The following MARK3 variants were observed in gnomAD, a reference collection of about 807,000 sequenced individuals.
MARK3 encodes microtubule affinity regulating kinase 3.
MARK3 carries 46 observed loss-of-function variants against 90.1 expected under a neutral mutation model. That is an observed-to-expected ratio of 0.51 (90% CI 0.40 to 0.65). The LOEUF (loss-of-function observed/expected upper bound fraction) is 0.65, where lower values mean the gene tolerates loss of function less well. Ranked by LOEUF, MARK3 falls within the 30% of genes least tolerant of loss-of-function variation. The probability of loss-of-function intolerance (pLI) is 0.00; values close to 1 mark genes in which losing one functional copy is unlikely to be tolerated. For synonymous variants in MARK3, 321 were observed against 332.6 expected, an observed-to-expected ratio of 0.97 and a Z score of 0.38; for missense variants, 818 against 947.2, an observed-to-expected ratio of 0.86 and a Z score of 1.79.
chr14:103,458,474 AAG>A (rs1397954517), intron 6 of MARK3, among the ~76,000 whole-genome samples: 4 of 146,942 alleles, frequency 2.7e-5, no homozygotes, highest in East Asian at 2.1e-4. Flanking sequence ...AAAAAAAAAA[AAG>A]AAGCAGCAGC....
intron 14 of MARK3, among the ~76,000 whole-genome samples, chr14:103,481,689 AACT>A (rs2093821428): frequency 6.6e-6 from 1 of 151,508 alleles, no homozygotes; most frequent in African/African-American, 2.4e-5. Flanking sequence ...TATGATTAAA[AACT>A]ACTAAGAACT....
chr14:103,481,060 A>C (rs1258192110), intron 14 of MARK3, among the ~76,000 whole-genome samples: 1 of 152,222 alleles, frequency 6.6e-6, no homozygotes, highest in African/African-American at 2.4e-5. Flanking sequence ...TAAAAAGACA[A>C]TGATGTTACA....
chr14:103,475,313 C>A (rs772307076), intron 13 of MARK3, 103 bp downstream of exon 13: 36 of 903,082 alleles, frequency 4.0e-5, no homozygotes, highest in Non-Finnish European at 6.1e-5. Context: ...ACTGGAATGC[C>A]CTCTCTACTA....
intron 11 of MARK3, chr14:103,467,805 T>C (rs2093543465): frequency 2.6e-6 from 1 of 385,682 alleles, no homozygotes; most frequent in Non-Finnish European, 4.6e-6. Flanking sequence ...TTAAAGTTAT[T>C]TGAGAAAGCC....
Position 103,491,996 on chromosome 14 carries a change from T to TA in MARK3, c.1808dup (p.Asn603LysfsTer4). 1.2e-6 allele frequency: 2 copies of TA among 1,614,178 alleles called. No individual in the cohort carries two copies. Among genetic ancestry groups the TA allele is most frequent in the East Asian group, 2.2e-5 (1 of 44,882 alleles). ...CCCAGACTCGAAGCCGAGGCTCCAC[T>TA]AATCTCTTTAGTAAATTAACTTCAA... On this transcript the variant is annotated frameshift_variant, in exon 15 of 18. Transcript: ENST00000429436. LOFTEE classifies it high-confidence loss of function.
intron 3 of MARK3, among the ~76,000 whole-genome samples, chr14:103,442,469 A>G (rs2092883196): frequency 1.3e-5 from 2 of 152,130 alleles, no homozygotes; most frequent in Non-Finnish European, 2.9e-5. Context: ...TATTATCGTC[A>G]TAACTATTCC....
intron 6 of MARK3, among the ~76,000 whole-genome samples, chr14:103,457,638 G>C (rs1383771685): frequency 1.3e-5 from 2 of 152,140 alleles, no homozygotes; most frequent in African/African-American, 2.4e-5. Flanking sequence ...TTCTTGCTTT[G>C]TTTTTACTCT....
chr14:103,391,323 A>G (rs1259715548), intron 1 of MARK3, among the ~76,000 whole-genome samples: 1 of 152,154 alleles, frequency 6.6e-6, no homozygotes, highest in Non-Finnish European at 1.5e-5. Flanking sequence ...GGCCAATCTT[A>G]TTTCATTTAT....
intron 2 of MARK3, among the ~76,000 whole-genome samples, chr14:103,416,020 C>T (rs1595560216): frequency 6.6e-6 from 1 of 152,138 alleles, no homozygotes; most frequent in Admixed American, 6.5e-5. Context: ...ACTTAAATTA[C>T]GACTGTGTAA....
At chr14:103,394,560 G>A (rs1250504555) in intron 1 of MARK3, among the ~76,000 whole-genome samples, 1 of 152,184 alleles carries the variant, frequency 6.6e-6, no homozygotes, top group Non-Finnish European at 1.5e-5. Context: ...ATAAGACATT[G>A]TTTCTGTGGG....
In MARK3 at chr14:103,468,920, TG is replaced by T. The variant is rs971638502; in HGVS notation, c.1264+735del. On this transcript the variant is annotated intron_variant, in intron 12 of 17. Coordinates refer to ENST00000429436, the MANE Select transcript of MARK3 (RefSeq NM_001128918.3). ...CTAGGATTACAGACGTGAGCCACCA[TG>T]CCCAGCGCTAGAACTGGGCGCTGTA... Among the ~76,000 whole-genome samples the T allele has an allele frequency of 1.3e-3, 202 of 151,732 alleles. 2 individuals carry two copies. Among genetic ancestry groups the T allele is most frequent in the Non-Finnish European group, 2.3e-3 (154 of 67,938 alleles).
intron 1 of MARK3, among the ~76,000 whole-genome samples, chr14:103,396,714 A>G (rs2090603674): frequency 6.6e-6 from 1 of 151,998 alleles, no homozygotes; most frequent in African/African-American, 2.4e-5. Context: ...GCCTGGCCTG[A>G]GATGTCCTTC....
rs1299534465 is a variant in MARK3 at position 103,470,453 on chromosome 14, C to CAATTTTTTTTT, written c.1264+2267_1264+2268insAATTTTTTTTT. Reference sequence around the variant, plus strand: ...CTATTCCAGGATTCAGGAACTAAATCTATTTTTTTTTTTTTTTTTGAGATG... The same window carrying CAATTTTTTTTT: ...CTATTCCAGGATTCAGGAACTAAATCAATTTTTTTTTTATTTTTTTTTTTTTTTTTGAGATG... On this transcript the variant is annotated intron_variant, in intron 12 of 17. Transcript: ENST00000429436. Among the ~76,000 whole-genome samples, 3 of 24,186 alleles carry CAATTTTTTTTT rather than the reference C, an allele frequency of 1.2e-4. 1 individual carries two copies. Among genetic ancestry groups the CAATTTTTTTTT allele is most frequent in the Non-Finnish European group, 2.5e-4 (3 of 12,048 alleles). 15.9% of individuals were successfully genotyped at this position (24,186 alleles called of 152,430 possible). A position where few individuals can be genotyped will look rare whatever the true frequency, so the allele number is the denominator to read the frequency against.
chr14:103,468,359 C>G (rs1174421238), intron 12 of MARK3, among the ~76,000 whole-genome samples, 173 bp downstream of exon 12: 1 of 110,590 alleles, frequency 9.0e-6, no homozygotes, highest in Non-Finnish European at 1.7e-5. Flanking sequence ...GAGTCTCACT[C>G]TGTTGCCCAG....
At chr14:103,472,162 A>G (rs558768611) in intron 12 of MARK3, among the ~76,000 whole-genome samples, 1 of 149,112 alleles carries the variant, frequency 6.7e-6, no homozygotes, top group East Asian at 2.0e-4. Context: ...GTGAGCCGAG[A>G]TCGAGCCACT....
chr14:103,486,158 G>A (rs1013704094), intron 14 of MARK3, among the ~76,000 whole-genome samples: 2 of 152,114 alleles, frequency 1.3e-5, no homozygotes, highest in African/African-American at 4.8e-5. Context: ...TTAGCTGGGT[G>A]CCAGGCACAG....
chr14:103,388,598 T>TA (rs1275787439), intron 1 of MARK3, among the ~76,000 whole-genome samples: 1 of 152,192 alleles, frequency 6.6e-6, no homozygotes, highest in Non-Finnish European at 1.5e-5. Flanking sequence ...AGCGTATAGT[T>TA]ATGTAACCGC....
chr14:103,403,357 T>C (rs1442332881), intron 1 of MARK3, among the ~76,000 whole-genome samples: 2 of 150,626 alleles, frequency 1.3e-5, no homozygotes, highest in African/African-American at 2.5e-5. Context: ...TGTGTGTGTG[T>C]GTGTGTGTGT....
rs759111090 is a variant in MARK3, at chr14:103,466,370, G to T, written c.925G>T (p.Ala309Ser). 1.9e-6 allele frequency: 3 copies of T among 1,613,728 alleles called. No individual in the cohort carries two copies. The South Asian group carries it at 3.3e-5, about 18-fold the overall frequency. Reference protein sequence around the residue: ...EQIMKDRWINAGHEEDELKPF... With the variant: ...EQIMKDRWINSGHEEDELKPF... ...AATCATGAAGGACAGGTGGATCAATGCAGGGCATGAAGAAGATGAACTCAA... is the reference window on the plus strand; with the variant it reads ...AATCATGAAGGACAGGTGGATCAATTCAGGGCATGAAGAAGATGAACTCAA... The change falls in exon 10 of 18, where the codon GCA (alanine) becomes TCA (serine). Residue 309 changes from alanine to serine, a missense_variant. Ala to Ser is a moderately conservative substitution (Grantham distance 99). This residue lies in a region of MARK3 where 560 missense variants were observed against 613.5 expected (regional missense o/e 0.91). Transcript: ENST00000429436.
Sources: gnomAD v4.1 joint callset for allele counts (sites outside exome capture counted in the v4.1 genomes callset) on GRCh38, gnomAD v4.1.1 for gene constraint, gnomAD v4.1.1 regional missense constraint, MANE v1.5 for transcripts, NCBI Gene and HGNC (gene_info 2026-07-23, HGNC 2026-07-21) for gene names.